MED15: variants seen among roughly 807,000 people sequenced by gnomAD.
MED15 encodes the protein mediator of RNA polymerase II transcription subunit 15.
In MED15, 41 loss-of-function variants were observed where a neutral mutation model predicts 118.7. That is an observed-to-expected ratio of 0.35 (90% CI 0.27 to 0.45). The LOEUF is 0.45. MED15 is among the 20% of genes least tolerant of loss of function. The pLI, the probability that MED15 is intolerant of heterozygous loss-of-function variation, is 1.00. For missense variants in MED15, 740 were observed against 1,025.5 expected, an observed-to-expected ratio of 0.72 and a Z score of 3.80; for synonymous variants, 436 against 413.9, an observed-to-expected ratio of 1.05 and a Z score of -0.65.
In MED15 at chr22:20,564,610, GCAGCAGCAGCAGCAGCTC is replaced by G. The variant is rs780695975; in HGVS notation, c.629_646del (p.Leu210_Gln215del). The G allele has an allele frequency of 5.5e-5, 87 of 1,582,246 alleles. No individual in the cohort carries two copies. The highest frequency in any genetic ancestry group is 1.5e-4 in the South Asian group (13 of 89,520). On this transcript the variant is annotated inframe_deletion, in exon 6 of 18. Transcript: ENST00000263205. ...TGCAGCAGCAGTTCCAAGCAGTAGT[GCAGCAGCAGCAGCAGCTC>G]CAGCAGCAGCAGCAGCAGCAGCAGC...
At chr22:20,546,511 GTTTTTTTTT>G (rs748241696) in intron 2 of MED15, among the ~76,000 whole-genome samples, 3 of 134,104 alleles carry the variant, frequency 2.2e-5, no homozygotes, top group Non-Finnish European at 4.6e-5. Flanking sequence ...AGTTTTTTTT[GTTTTTTTTT>G]TTTTGTCAAG....
chr22:20,514,490 G>A (rs182744396), intron 1 of MED15, among the ~76,000 whole-genome samples: 3 of 152,074 alleles, frequency 2.0e-5, no homozygotes, highest in African/African-American at 4.8e-5. Flanking sequence ...CCTCTGTACA[G>A]CAGATTGCAC....
In MED15 at chr22:20,587,075, C is replaced by G. The variant is rs574328482; in HGVS notation, c.*371C>G. 3.6e-6 allele frequency: 1 copy of G among 281,500 alleles called. No individual in the cohort carries two copies. The highest frequency in any genetic ancestry group is 2.1e-5 in the African/African-American group (1 of 47,720). The allele number at this position is 281,500 out of a possible 1,614,324, so 17.4% of individuals were successfully genotyped here. A position where few individuals can be genotyped will look rare whatever the true frequency, so the allele number is the denominator to read the frequency against. ...AGCGTCTCGTGTGTGCTAGACGCACCCCTACTCGTTCCTATAGAACACAGA... is the reference window on the plus strand; with the variant it reads ...AGCGTCTCGTGTGTGCTAGACGCACGCCTACTCGTTCCTATAGAACACAGA... On this transcript the variant is annotated 3_prime_UTR_variant, in exon 18 of 18. Coordinates refer to ENST00000263205, the MANE Select transcript of MED15 (RefSeq NM_001003891.3).
intron 8 of MED15, among the ~76,000 whole-genome samples, chr22:20,570,773 T>A (rs1343119230): frequency 1.5e-5 from 2 of 134,512 alleles, no homozygotes; most frequent in African/African-American, 5.8e-5. Context: ...TTTTTTTTTT[T>A]TTTGACAGAG....
At chr22:20,570,773 T>TTTTTTTTTTTA (rs1443415860) in intron 8 of MED15, among the ~76,000 whole-genome samples, 1 of 134,512 alleles carries the variant, frequency 7.4e-6, no homozygotes, top group African/African-American at 2.9e-5. Context: ...TTTTTTTTTT[T>TTTTTTTTTTTA]TTTGACAGAG....
chr22:20,570,746 C>CTTTTTTTTTTTTTTTTTTTTTTTTT (rs61109389), intron 8 of MED15, among the ~76,000 whole-genome samples: 56 of 62,104 alleles, frequency 9.0e-4, no homozygotes, highest in Admixed American at 1.5e-3. Flanking sequence ...TTCTTTCTTT[C>CTTTTTTTTTTTTTTTTTTTTTTTTT]TTTTTTTTTT....
Position 20,583,627 on chromosome 22 carries a change from G to A in MED15, c.1736+234G>A, listed in dbSNP as rs2057052846. On this transcript the variant is annotated intron_variant, in intron 13 of 17. Coordinates refer to ENST00000263205, the MANE Select transcript of MED15 (RefSeq NM_001003891.3). ...GGCTGCTGCTGTGGCCCTCATGCTG[G>A]GCCATCACAGCCAGACCTCATCCAG... 23 of 537,830 alleles carry A rather than the reference G, an allele frequency of 4.3e-5. No individual in the cohort carries two copies. In the South Asian group the frequency reaches 4.8e-4, roughly 11 times the overall value. 33.3% of individuals were successfully genotyped at this position (537,830 alleles called of 1,614,324 possible).
intron 2 of MED15, among the ~76,000 whole-genome samples, chr22:20,544,372 A>G (rs1187569660): frequency 6.6e-6 from 1 of 152,182 alleles, no homozygotes; most frequent in African/African-American, 2.4e-5. Context: ...GGCTTAAAAG[A>G]ACAGAAATTT....
intron 8 of MED15, 75 bp from the exon 9 acceptor site, chr22:20,575,038 G>GTGC: frequency 6.3e-7 from 1 of 1,596,340 alleles, no homozygotes; most frequent in Non-Finnish European, 8.5e-7. Context: ...GAGGCTACAC[G>GTGC]TGCCCTCTCC....
chr22:20,574,086 G>A (rs1048463227), intron 8 of MED15: 2 of 152,278 alleles, frequency 1.3e-5, no homozygotes, highest in Non-Finnish European at 2.9e-5. Flanking sequence ...CTGGAGCTCT[G>A]TTACTGGCAC....
chr22:20,566,526 A>ACAG lies in MED15; in HGVS notation c.784_786dup (p.Gln262dup). The ACAG allele has an allele frequency of 0.17, 269,585 of 1,600,742 alleles. 4,968 individuals are homozygous for ACAG. The highest frequency in any genetic ancestry group is 0.18 in the South Asian group (16,525 of 90,610). ...CACAGCTGCAGCTCCAACAACAGCAACAGCAGCAGCAGCAGCAGCAGCAGC... is the reference window on the plus strand; with the variant it reads ...CACAGCTGCAGCTCCAACAACAGCAACAGCAGCAGCAGCAGCAGCAGCAGCAGC... On this transcript the variant is annotated inframe_insertion, in exon 7 of 18. Coordinates refer to ENST00000263205, the MANE Select transcript of MED15 (RefSeq NM_001003891.3).
At chr22:20,550,349 CT>C (rs2055720180) in intron 2 of MED15, among the ~76,000 whole-genome samples, 1 of 152,224 alleles carries the variant, frequency 6.6e-6, no homozygotes, top group Non-Finnish European at 1.5e-5. Context: ...TTCCTCTCCC[CT>C]GGGCCTTTCT....
At chr22:20,585,965 G>A (rs2057123289) in intron 17 of MED15, 139 bp downstream of exon 17, 1 of 761,456 alleles carries the variant, frequency 1.3e-6, no homozygotes, top group South Asian at 1.7e-5. Context: ...CCCCTCTTCT[G>A]GCTCCTCCTG....
At chr22:20,532,359 C>G (rs996080797) in intron 1 of MED15, among the ~76,000 whole-genome samples, 1 of 152,094 alleles carries the variant, frequency 6.6e-6, no homozygotes, top group Non-Finnish European at 1.5e-5. Context: ...CAGGCAGGGT[C>G]GGGCAATGCC....
At chr22:20,519,864 A>C (rs1275705128) in intron 1 of MED15, among the ~76,000 whole-genome samples, 1 of 152,108 alleles carries the variant, frequency 6.6e-6, no homozygotes, top group East Asian at 1.9e-4. Context: ...CACTTTTACC[A>C]TCTTCCCATA....
chr22:20,577,946 CAG>C (rs1206332280), intron 9 of MED15, among the ~76,000 whole-genome samples: 1 of 152,058 alleles, frequency 6.6e-6, no homozygotes, highest in Non-Finnish European at 1.5e-5. Context: ...TTTTTTGAGA[CAG>C]AGTCTCGCAC....
chr22:20,583,385 C>A lies in MED15; in HGVS notation c.1728C>A (p.Pro576=). 1 of 1,611,840 alleles carries A rather than the reference C, an allele frequency of 6.2e-7. No individual in the cohort carries two copies. The highest frequency in any genetic ancestry group is 8.5e-7 in the Non-Finnish European group (1 of 1,180,018). Residue 576 remains proline (P), a synonymous_variant, in exon 13 of 18, where the codon CCC becomes CCA. Coordinates refer to ENST00000263205, the MANE Select transcript of MED15 (RefSeq NM_001003891.3). ...GCCTTCTGGACATTCTGACAGACCC[C>A]TCGAAGCGGTGAGCTTTGCCCACAG... ...MKSLLDILTD[P]SKRCPLKTLQ... is the part of the protein sequence containing the mutation.
intron 2 of MED15, chr22:20,551,191 G>C (rs1182033948): frequency 3.0e-6 from 2 of 657,946 alleles, no homozygotes; most frequent in Admixed American, 2.1e-5. Flanking sequence ...CATCAGGGGA[G>C]AGGAGTGGCC....
rs1250373501 is a variant in MED15, at chr22:20,508,228, G to A, written c.68+482G>A. On this transcript the variant is annotated intron_variant, in intron 1 of 17. Transcript: ENST00000263205. ...TTTGGGGTGTGGGCGGTGGGACGGA[G>A]GATCTGAGGGTGACCCCCCGAAGGA... The A allele has an allele frequency of 4.8e-6, 6 of 1,250,874 alleles. No homozygotes were observed. The African/African-American group carries it at 6.2e-5, about 13-fold the overall frequency. 77.5% of individuals were successfully genotyped at this position (1,250,874 alleles called of 1,614,324 possible).
Sources: allele counts gnomAD v4.1 joint callset (sites outside exome capture counted in the v4.1 genomes callset), GRCh38; gene constraint gnomAD v4.1.1; transcripts MANE v1.5; gene names NCBI Gene and HGNC (gene_info 2026-07-23, HGNC 2026-07-21).